PCM1: variants seen among roughly 807,000 people sequenced by gnomAD.
The protein encoded by PCM1 is pericentriolar material 1 protein.
Under a neutral mutation model 241.9 loss-of-function variants are expected in PCM1, and 157 were observed. The ratio of observed to expected loss-of-function variants is 0.65; its 90% confidence interval spans 0.57 to 0.74. The LOEUF (loss-of-function observed/expected upper bound fraction) is 0.74. Among genes scored for constraint, PCM1 ranks in the 30% least tolerant of loss-of-function variants. The pLI is 0.00. For missense variants in PCM1, 3,478 were observed against 2,360.1 expected (o/e 1.47, Z -9.81); for synonymous variants, 1,085 against 784.9 (o/e 1.38, Z -6.39).
At chr8:17,925,165 T>C (rs1367618122) in intron 2 of PCM1, 4 of 152,274 alleles carry the variant, frequency 2.6e-5, no homozygotes, top group Non-Finnish European at 5.9e-5. Flanking sequence ...TCATGAACTC[T>C]ACTTGTCGAA....
intron 36 of PCM1, among the ~76,000 whole-genome samples, chr8:18,022,229 A>G (rs1319270375): frequency 6.6e-6 from 1 of 152,200 alleles, no homozygotes; most frequent in Non-Finnish European, 1.5e-5. Flanking sequence ...CCCTAGGAGC[A>G]GGTGGCATCG....
chr8:18,008,880 C>T (rs1351212809), intron 30 of PCM1, among the ~76,000 whole-genome samples: 1 of 152,134 alleles, frequency 6.6e-6, no homozygotes, highest in African/African-American at 2.4e-5. Context: ...GAAGAAATCA[C>T]CAACGTTCAA....
chr8:17,944,064 T>G (rs1353002542), intron 6 of PCM1, among the ~76,000 whole-genome samples: 1 of 152,204 alleles, frequency 6.6e-6, no homozygotes, highest in Admixed American at 6.5e-5. Context: ...TTCATTGTTT[T>G]CCTATACTCA....
chr8:17,955,763 A>G (rs1382872024), intron 10 of PCM1, 110 bp downstream of exon 10: 8 of 853,180 alleles, frequency 9.4e-6, no homozygotes, highest in Non-Finnish European at 1.5e-5. Context: ...ATATTGTTGT[A>G]AACATTCTTA....
chr8:18,003,431 C>T (rs1188777753), intron 29 of PCM1, among the ~76,000 whole-genome samples: 1 of 152,184 alleles, frequency 6.6e-6, no homozygotes, highest in Non-Finnish European at 1.5e-5. Flanking sequence ...ACATTGCCCA[C>T]ATTATGTCCT....
At chr8:17,944,352 G>A (rs1259204909) in intron 6 of PCM1, among the ~76,000 whole-genome samples, 1 of 152,002 alleles carries the variant, frequency 6.6e-6, no homozygotes, top group Admixed American at 6.5e-5. Context: ...ATCTTCTCTA[G>A]GCTTATAGTT....
In PCM1 at chr8:18,025,473, T is replaced by A. The variant is rs757002179; in HGVS notation, c.5934+20T>A. ...TCAGAGGTATTTAGCTGTCTTTAAT[T>A]AAACTTGTCTTTACATAACAAATAC... is the stretch of plus-strand genomic sequence containing the variant. On this transcript the variant is annotated intron_variant, in intron 37 of 38. Coordinates refer to ENST00000325083, the MANE Select transcript of PCM1 (RefSeq NM_006197.4). The A allele has an allele frequency of 5.2e-6, 8 of 1,534,536 alleles. No homozygotes were observed. The African/African-American group carries it at 9.6e-5, about 18-fold the overall frequency.
rs1223858771 is a variant in PCM1 at position 17,985,538 on chromosome 8, A to G, written c.4200A>G (p.Pro1400=). The G allele has an allele frequency of 1.3e-6, 2 of 1,596,530 alleles. No individual in the cohort carries two copies. Among genetic ancestry groups the G allele is most frequent in the Admixed American group, 1.7e-5 (1 of 57,804 alleles). Reference sequence around the variant, plus strand: ...TAATTTCTCAAAATGAATCTCGTCCACATTTTCTTATTGAACTCTTCCATG... The same window carrying G: ...TAATTTCTCAAAATGAATCTCGTCCGCATTTTCTTATTGAACTCTTCCATG... ...ATLISQNESR[P]HFLIELFHEL... is the part of the protein sequence containing the mutation. The change falls in exon 25 of 39, where the codon CCA becomes CCG. Residue 1400 remains proline (P), a synonymous_variant. Transcript: ENST00000325083.
chr8:17,966,138 T>G lies in PCM1; in HGVS notation c.2995T>G (p.Trp999Gly). The change falls in exon 19 of 39, where the codon TGG becomes GGG. Residue 999 changes from tryptophan to glycine, a missense_variant. Coordinates refer to ENST00000325083, the MANE Select transcript of PCM1 (RefSeq NM_006197.4). ...CTCTTACGTAGAAGAGAAAGAACAA[T>G]GGCAAGAACAAATCAATCAGCTAAA... ...ELSYVEEKEQ[W>G]QEQINQLKKQ... 6.2e-7 allele frequency: 1 copy of G among 1,613,906 alleles called. No homozygotes were observed. Among genetic ancestry groups the G allele is most frequent in the Non-Finnish European group, 8.5e-7 (1 of 1,179,840 alleles).
At position 17,939,845 on chromosome 8, in the gene PCM1, T is replaced by A. The variant is rs1166494348; in HGVS notation, c.767T>A (p.Phe256Tyr). 1.3e-6 allele frequency: 2 copies of A among 1,502,480 alleles called. No homozygotes were observed. Among genetic ancestry groups the A allele is most frequent in the Admixed American group, 2.1e-5 (1 of 47,308 alleles). 93.1% of individuals were successfully genotyped at this position (1,502,480 alleles called of 1,614,324 possible). A position where few individuals can be genotyped will look rare whatever the true frequency, so the allele number is the denominator to read the frequency against. The change falls in exon 6 of 39, where the codon TTT (phenylalanine) becomes TAT (tyrosine). Residue 256 changes from phenylalanine to tyrosine, a missense_variant. Physicochemically the swap from Phe to Tyr is conservative, Grantham distance 22. Transcript: ENST00000325083. ...LKEQEKSYMK[F>Y]LKKILARDPQ... is the part of the protein sequence containing the mutation. ...GAACAAGAGAAGTCATATATGAAAT[T>A]TCTTAAAAAAATCCTTGTAAGTATT... is the stretch of plus-strand genomic sequence containing the variant.
At chr8:18,011,542 A>ATTCT (rs2092510591) in intron 33 of PCM1, 125 bp from the exon 34 acceptor site, 1 of 1,092,574 alleles carries the variant, frequency 9.2e-7, no homozygotes, top group Non-Finnish European at 1.3e-6. Context: ...TTTTTAATAC[A>ATTCT]TTCTGTTTGA....
In PCM1 at chr8:17,943,741, C is replaced by G. The variant is rs114185504; in HGVS notation, c.784-3445C>G. 5.0e-3 allele frequency among the ~76,000 whole-genome samples: 762 copies of G among 152,172 alleles called. 9 individuals are homozygous for G. Among genetic ancestry groups the G allele is most frequent in the African/African-American group, 0.017 (711 of 41,520 alleles). ...TTCTTCAGGGGAAAAAATCTTAATT[C>G]TCACCACCTGTGTTTATTTTTTTCT... On this transcript the variant is annotated intron_variant, in intron 6 of 38. Coordinates refer to ENST00000325083, the MANE Select transcript of PCM1 (RefSeq NM_006197.4).
chr8:18,026,434 A>G (rs1588884195), intron 38 of PCM1, among the ~76,000 whole-genome samples: 1 of 150,292 alleles, frequency 6.7e-6, no homozygotes, highest in African/African-American at 2.4e-5. Context: ...ATTTTTTTGT[A>G]TTTTTTAAGT....
intron 29 of PCM1, among the ~76,000 whole-genome samples, chr8:18,000,224 A>G (rs985740398): frequency 1.3e-5 from 2 of 152,154 alleles, no homozygotes; most frequent in African/African-American, 4.8e-5. Context: ...CTAGAGGGAA[A>G]GTCTATATGG....
At chr8:17,926,902 G>C (rs2057199332) in intron 2 of PCM1, 1 of 152,094 alleles carries the variant, frequency 6.6e-6, no homozygotes, top group Non-Finnish European at 1.5e-5. Context: ...TTCAGTATTG[G>C]AATAGAGAAG....
chr8:17,986,850 T>C (rs989145299), intron 26 of PCM1, among the ~76,000 whole-genome samples: 1 of 151,844 alleles, frequency 6.6e-6, no homozygotes, highest in African/African-American at 2.4e-5. Context: ...AGTTTCGTAG[T>C]TGATTAGCAA....
At chr8:18,018,946 G>C (rs1484417262) in intron 36 of PCM1, among the ~76,000 whole-genome samples, 1 of 78,546 alleles carries the variant, frequency 1.3e-5, no homozygotes, top group African/African-American at 5.2e-5. Context: ...CAAAGTTGGA[G>C]ATTTGTTCAA....
chr8:17,997,853 C>T lies in PCM1; in HGVS notation c.4827+4234C>T, dbSNP rs191665345. On this transcript the variant is annotated intron_variant, in intron 29 of 38. Coordinates refer to ENST00000325083, the MANE Select transcript of PCM1 (RefSeq NM_006197.4). ...CAGCCTGGCCAACACGGTGAAACCC[C>T]GCCTCTACTACAACATACAAAAAAA... Among the ~76,000 whole-genome samples the T allele has an allele frequency of 1.7e-3, 257 of 150,370 alleles. 1 individual carries two copies. In the East Asian group the frequency reaches 0.019, roughly 11 times the overall value.
rs1455353376 is a variant in PCM1, at chr8:17,938,906, A to G, written c.509A>G (p.Gln170Arg). The change falls in exon 5 of 39, where the codon CAG becomes CGG. Residue 170 changes from glutamine (Q) to arginine (R), a missense_variant. Transcript: ENST00000325083. ...PPNRETIGSA[Q>R]CKELFASALS... ...AACAGAGAAACGATTGGATCAGCAC[A>G]GTGTAAAGAGTTGTTTGCTTCTGCT... 6.2e-7 allele frequency: 1 copy of G among 1,613,732 alleles called. No individual in the cohort carries two copies. Among genetic ancestry groups the G allele is most frequent in the South Asian group, 1.1e-5 (1 of 91,088 alleles).
Sources: gnomAD v4.1 joint callset for allele counts (sites outside exome capture counted in the v4.1 genomes callset) on GRCh38, gnomAD v4.1.1 for gene constraint, MANE v1.5 for transcripts, NCBI Gene and HGNC (gene_info 2026-07-23, HGNC 2026-07-21) for gene names.